The following TMEM120B variants were observed in gnomAD, a reference collection of about 807,000 sequenced individuals.
TMEM120B encodes transmembrane protein 120B.
In TMEM120B, 31 loss-of-function variants were observed where a neutral mutation model predicts 55.5. The observed-to-expected ratio is 0.56, with a 90% CI of 0.42 to 0.75. TMEM120B has a LOEUF of 0.75. Ranked by LOEUF, TMEM120B falls within the 30% of genes least tolerant of loss-of-function variation. The pLI, the probability that TMEM120B is intolerant of heterozygous loss-of-function variation, is 0.00. For synonymous variants in TMEM120B, 203 were observed against 176.3 expected, an observed-to-expected ratio of 1.15 and a Z score of -1.20; for missense variants, 399 against 425.5, an observed-to-expected ratio of 0.94 and a Z score of 0.55.
At chr12:121,774,602 G>T in intron 9 of TMEM120B, 56 bp from the exon 10 acceptor site, 1 of 1,569,716 alleles carries the variant, frequency 6.4e-7, no homozygotes. Flanking sequence ...GTCTGGTGGA[G>T]CTGTGGGGGC....
chr12:121,723,121 A>C (rs1215873907), intron 1 of TMEM120B, among the ~76,000 whole-genome samples: 1 of 151,556 alleles, frequency 6.6e-6, no homozygotes, highest in Non-Finnish European at 1.5e-5. Flanking sequence ...TGCTGGGATT[A>C]CAGACATGAG....
intron 1 of TMEM120B, among the ~76,000 whole-genome samples, chr12:121,726,426 A>G (rs539455414): frequency 6.6e-6 from 1 of 151,610 alleles, no homozygotes; most frequent in Non-Finnish European, 1.5e-5. Context: ...AAAAATAGAA[A>G]AAATTAGCCG....
At chr12:121,741,832 T>C (rs1223539362) in intron 1 of TMEM120B, among the ~76,000 whole-genome samples, 2 of 151,028 alleles carry the variant, frequency 1.3e-5, no homozygotes, top group Non-Finnish European at 3.0e-5. Context: ...TTAAGTAAAA[T>C]AAAAGCATTG....
intron 5 of TMEM120B, among the ~76,000 whole-genome samples, chr12:121,752,688 G>A (rs1378613320): frequency 6.6e-6 from 1 of 152,122 alleles, no homozygotes; most frequent in Admixed American, 6.5e-5. Flanking sequence ...AGGAGGCAGA[G>A]GTTGCAGTGA....
intron 1 of TMEM120B, among the ~76,000 whole-genome samples, chr12:121,734,084 A>G (rs140606427): frequency 4.7e-4 from 71 of 152,162 alleles, no homozygotes; most frequent in African/African-American, 1.6e-3. Flanking sequence ...TTTTTTATCT[A>G]CGGTGCATAA....
intron 1 of TMEM120B, among the ~76,000 whole-genome samples, chr12:121,727,624 A>G (rs2137025147): frequency 6.6e-6 from 1 of 151,692 alleles, no homozygotes; most frequent in Middle Eastern, 3.4e-3. Flanking sequence ...TTGTAATCCC[A>G]GCACTTTGGG....
intron 1 of TMEM120B, among the ~76,000 whole-genome samples, chr12:121,739,939 C>T (rs1386436340): frequency 2.6e-5 from 4 of 151,498 alleles, no homozygotes; most frequent in East Asian, 2.0e-4. Context: ...CCACCATGCC[C>T]GGCTAATTTT....
intron 6 of TMEM120B, among the ~76,000 whole-genome samples, chr12:121,767,321 C>T (rs892667048): frequency 2.0e-5 from 3 of 152,096 alleles, no homozygotes; most frequent in South Asian, 2.1e-4. Context: ...CCACCACGCC[C>T]GGCTAATTTT....
At chr12:121,741,188 A>G (rs2137114876) in intron 1 of TMEM120B, among the ~76,000 whole-genome samples, 1 of 152,270 alleles carries the variant, frequency 6.6e-6, no homozygotes, top group South Asian at 2.1e-4. Context: ...CTTGATAGAG[A>G]AAAAGAACAC....
intron 4 of TMEM120B, among the ~76,000 whole-genome samples, chr12:121,750,890 A>C (rs1265125685): frequency 1.4e-4 from 6 of 42,724 alleles, no homozygotes; most frequent in African/African-American, 3.9e-4. Flanking sequence ...ACCACACCCC[A>C]CATCCCACAC....
chr12:121,769,424 G>A (rs559346993), intron 6 of TMEM120B, among the ~76,000 whole-genome samples: 1 of 152,160 alleles, frequency 6.6e-6, no homozygotes, highest in Non-Finnish European at 1.5e-5. Flanking sequence ...AAGAATGTCT[G>A]GCCAGGCACA....
chr12:121,769,543 A>G (rs553711155), intron 6 of TMEM120B, among the ~76,000 whole-genome samples: 1 of 151,968 alleles, frequency 6.6e-6, no homozygotes, highest in South Asian at 2.1e-4. Flanking sequence ...CTGTCTCTAA[A>G]AAAAAAAAAA....
At position 121,781,203 on chromosome 12, in the gene TMEM120B, A is replaced by G; in HGVS notation, c.*5481A>G. The G allele has an allele frequency of 6.2e-7, 1 of 1,612,986 alleles. No homozygotes were observed. The highest frequency in any genetic ancestry group is 8.5e-7 in the Non-Finnish European group (1 of 1,178,976). On this transcript the variant is annotated 3_prime_UTR_variant, in exon 12 of 12. Transcript: ENST00000449592. Reference sequence around the variant, plus strand: ...CATAGTCTTCTTGCCCTGAAAGCACAGAGCAGCGGGGGTCAGGGGACGTCC... The same window carrying G: ...CATAGTCTTCTTGCCCTGAAAGCACGGAGCAGCGGGGGTCAGGGGACGTCC...
At chr12:121,729,220 C>T (rs143785570) in intron 1 of TMEM120B, among the ~76,000 whole-genome samples, 572 of 152,318 alleles carry the variant, frequency 3.8e-3, no homozygotes, top group Non-Finnish European at 5.4e-3. Flanking sequence ...GGCCACAGGG[C>T]CAAGGTTGCT....
chr12:121,750,292 A>G, intron 3 of TMEM120B, 88 bp from the exon 4 acceptor site: 2 of 1,240,986 alleles, frequency 1.6e-6, no homozygotes, highest in Admixed American at 3.4e-5. Flanking sequence ...AGTGCTTGGG[A>G]TGTGCTCATT....
chr12:121,779,617 A>G lies in TMEM120B; in HGVS notation c.*3895A>G. 5.0e-6 allele frequency: 8 copies of G among 1,614,214 alleles called. No individual in the cohort carries two copies. The highest frequency in any genetic ancestry group is 6.8e-6 in the Non-Finnish European group (8 of 1,180,022). On this transcript the variant is annotated 3_prime_UTR_variant, in exon 12 of 12. Transcript: ENST00000449592. ...ACATTCTCCCGAAACTTGGCGGAAC[A>G]TTCCAGGTAGAGAGCAGCTCGGATC...
At position 121,775,032 on chromosome 12, in the gene TMEM120B, TG is replaced by T. The variant is rs769408779; in HGVS notation, c.838-27del. 6.2e-7 allele frequency: 1 copy of T among 1,608,818 alleles called. No individual in the cohort carries two copies. Among genetic ancestry groups the T allele is most frequent in the Non-Finnish European group, 8.5e-7 (1 of 1,177,250 alleles). Reference sequence around the variant, plus strand: ...TACGTGGCCGGCCAGGGGAGTCTGGTGGGTGAGCAGCGCCTGCCTTCCTCTC... The same window carrying T: ...TACGTGGCCGGCCAGGGGAGTCTGGTGGTGAGCAGCGCCTGCCTTCCTCTC... On this transcript the variant is annotated intron_variant, in intron 10 of 11. Coordinates refer to ENST00000449592, the MANE Select transcript of TMEM120B (RefSeq NM_001080825.2). This position sits in a 1 kb window ranked among gnomAD's most constrained non-coding sequence, Gnocchi z 4.3.
In TMEM120B at chr12:121,767,703, C is replaced by T. The variant is rs181091667; in HGVS notation, c.552-3204C>T. Among the ~76,000 whole-genome samples the T allele has an allele frequency of 1.3e-3, 191 of 152,234 alleles. 3 individuals are homozygous for T. The East Asian group carries it at 0.022, about 18-fold the overall frequency. On this transcript the variant is annotated intron_variant, in intron 6 of 11. Transcript: ENST00000449592. ...TGTGCACACAACCAGCCCAGAGCCC[C>T]GGGGTGTGCAGATGGACGCCTGGGC...
rs919900615 is a variant in TMEM120B at position 121,744,953 on chromosome 12, G to A, written c.188+1206G>A. 8.5e-5 allele frequency among the ~76,000 whole-genome samples: 13 copies of A among 152,330 alleles called. No individual in the cohort carries two copies. In the East Asian group the frequency reaches 1.7e-3, roughly 20 times the overall value. On this transcript the variant is annotated intron_variant, in intron 2 of 11. Coordinates refer to ENST00000449592, the MANE Select transcript of TMEM120B (RefSeq NM_001080825.2). ...CATCTTGGTAATGGCAGGGCTCAGA[G>A]TCTAGAGTTTCTTCAGATTCTCAGT...
Sources: allele counts gnomAD v4.1 joint callset (sites outside exome capture counted in the v4.1 genomes callset), GRCh38; gene constraint gnomAD v4.1.1; non-coding constraint Gnocchi (gnomAD v3.1); transcripts MANE v1.5; gene names NCBI Gene and HGNC (gene_info 2026-07-23, HGNC 2026-07-21).